The following ITGA6 variants were observed in gnomAD, a reference collection of about 807,000 sequenced individuals.
ITGA6 encodes the protein integrin subunit alpha 6.
In ITGA6, 63 loss-of-function variants were observed where a neutral mutation model predicts 133.6. The observed-to-expected ratio is 0.47, with a 90% CI of 0.38 to 0.58. The LOEUF (loss-of-function observed/expected upper bound fraction) is 0.58, where lower values mean the gene tolerates loss of function less well. ITGA6 is among the 20% of genes least tolerant of loss of function. ITGA6 has a pLI of 0.00. For missense variants in ITGA6, 1,068 were observed against 1,309.4 expected, an observed-to-expected ratio of 0.82 and a Z score of 2.85; for synonymous variants, 434 against 482.0, an observed-to-expected ratio of 0.90 and a Z score of 1.30.
chr2:172,468,701 C>G (rs1685788317), intron 3 of ITGA6, among the ~76,000 whole-genome samples: 1 of 152,152 alleles, frequency 6.6e-6, no homozygotes. Flanking sequence ...CCTATGAAAA[C>G]AGGTCCATGA....
chr2:172,446,097 C>G (rs1447989207), intron 1 of ITGA6, among the ~76,000 whole-genome samples: 1 of 152,200 alleles, frequency 6.6e-6, no homozygotes, highest in Non-Finnish European at 1.5e-5. Context: ...CACTCTCTGG[C>G]AGAGCTACTA....
chr2:172,465,717 T>C, intron 2 of ITGA6, 54 bp downstream of exon 2: 1 of 1,612,086 alleles, frequency 6.2e-7, no homozygotes, highest in Non-Finnish European at 8.5e-7. Flanking sequence ...CTGTACTGTT[T>C]CCATGAGGGA....
At chr2:172,474,029 G>A in intron 5 of ITGA6, 26 bp from the exon 6 acceptor site, 1 of 1,496,594 alleles carries the variant, frequency 6.7e-7, no homozygotes, top group Non-Finnish European at 9.3e-7. Flanking sequence ...TTGATGTGAG[G>A]GGCTCTATAT....
chr2:172,466,493 G>A (rs578130371), intron 2 of ITGA6, among the ~76,000 whole-genome samples: 161 of 152,180 alleles, frequency 1.1e-3, no homozygotes, highest in African/African-American at 3.8e-3. Flanking sequence ...GGTGGTGTAC[G>A]CCTGTAGTCC....
intron 1 of ITGA6, among the ~76,000 whole-genome samples, chr2:172,454,138 C>T (rs1330943864): frequency 6.7e-6 from 1 of 148,222 alleles, no homozygotes; most frequent in African/African-American, 2.5e-5. Context: ...GGCTGGAGTG[C>T]GGTGGTGCCA....
At chr2:172,443,986 G>A (rs1344051696) in intron 1 of ITGA6, among the ~76,000 whole-genome samples, 1 of 151,992 alleles carries the variant, frequency 6.6e-6, no homozygotes, top group African/African-American at 2.4e-5. Flanking sequence ...TGTTGTTCAG[G>A]CTGGTCTCAA....
intron 1 of ITGA6, among the ~76,000 whole-genome samples, chr2:172,433,941 G>A (rs909340680): frequency 6.6e-6 from 1 of 152,144 alleles, no homozygotes; most frequent in Non-Finnish European, 1.5e-5. Context: ...TGGAGGGTGG[G>A]TGGTGCAGTT....
chr2:172,455,727 G>C (rs769834098), intron 1 of ITGA6, among the ~76,000 whole-genome samples: 2 of 152,214 alleles, frequency 1.3e-5, no homozygotes. Context: ...ATTACTGCTG[G>C]ATAGAACCTG....
At position 172,489,598 on chromosome 2, in the gene ITGA6, C is replaced by T; in HGVS notation, c.2619C>T (p.Ser873=). 6.2e-7 allele frequency: 1 copy of T among 1,613,976 alleles called. No individual in the cohort carries two copies. Among genetic ancestry groups the T allele is most frequent in the Non-Finnish European group, 8.5e-7 (1 of 1,179,930 alleles). The part of the protein sequence containing the change: ...KWLLYLVKVE[S]KGLEKVTCEP... ...TGCTTTATTTGGTGAAAGTAGAATC[C>T]AAAGGATTGGAAAAGGTAACTTGTG... Residue 873 remains serine, a synonymous_variant, in exon 20 of 26, where the codon TCC becomes TCT. Coordinates refer to ENST00000684293, the MANE Select transcript of ITGA6 (RefSeq NM_000210.4).
At position 172,468,607 on chromosome 2, in the gene ITGA6, G is replaced by A. The variant is rs142034052; in HGVS notation, c.388-518G>A. Among the ~76,000 whole-genome samples the A allele has an allele frequency of 4.6e-5, 7 of 152,262 alleles. 1 individual carries two copies. In the East Asian group the frequency reaches 1.4e-3, roughly 29 times the overall value. On this transcript the variant is annotated intron_variant, in intron 3 of 25. Transcript: ENST00000684293. The stretch of plus-strand genomic sequence containing the variant: ...GCATATTTTGGGAAATAATCTCAGA[G>A]CTCAGGGTGTAAGTTAGGACTGATT...
intron 17 of ITGA6, 56 bp from the exon 18 acceptor site, chr2:172,487,905 G>A (rs1210027436): frequency 6.5e-7 from 1 of 1,535,868 alleles, no homozygotes; most frequent in East Asian, 2.2e-5. Flanking sequence ...AAGTCTAATT[G>A]TAGTGAGAAA....
chr2:172,445,825 G>A (rs1684746819), intron 1 of ITGA6, among the ~76,000 whole-genome samples: 1 of 152,146 alleles, frequency 6.6e-6, no homozygotes, highest in Admixed American at 6.5e-5. Flanking sequence ...AACTCAAGGT[G>A]GTGGCACCTA....
At chr2:172,487,219 AT>A in intron 14 of ITGA6, 44 bp from the exon 15 acceptor site, 1 of 1,560,572 alleles carries the variant, frequency 6.4e-7, no homozygotes, top group African/African-American at 1.4e-5. Flanking sequence ...CTGGAAACGT[AT>A]TGAGGACTTT....
chr2:172,449,037 T>A (rs1684878416), intron 1 of ITGA6, among the ~76,000 whole-genome samples: 1 of 152,102 alleles, frequency 6.6e-6, no homozygotes, highest in Non-Finnish European at 1.5e-5. Flanking sequence ...CAGGAAAATG[T>A]GAGCACAGGC....
At chr2:172,473,969 G>A (rs2149047362) in intron 5 of ITGA6, 86 bp from the exon 6 acceptor site, 1 of 874,188 alleles carries the variant, frequency 1.1e-6, no homozygotes, top group Non-Finnish European at 1.9e-6. Flanking sequence ...GGAAGCCAGA[G>A]GAAGAGGTAA....
At chr2:172,487,201 A>G in intron 14 of ITGA6, 63 bp downstream of exon 14, 2 of 1,543,312 alleles carry the variant, frequency 1.3e-6, no homozygotes, top group Non-Finnish European at 1.8e-6. Context: ...TTGTGTTAAG[A>G]AAGTTTACTG....
At chr2:172,471,221 C>A in intron 5 of ITGA6, 116 bp downstream of exon 5, 1 of 1,205,480 alleles carries the variant, frequency 8.3e-7, no homozygotes, top group South Asian at 1.3e-5. Context: ...CAGGTGGGGC[C>A]GGGCCACTTT....
At chr2:172,465,429 T>C (rs1459630662) in intron 1 of ITGA6, 110 bp from the exon 2 acceptor site, 5 of 1,300,428 alleles carry the variant, frequency 3.8e-6, no homozygotes, top group African/African-American at 2.9e-5. Flanking sequence ...GTTGAAGAAT[T>C]AGTGGACTCC....
intron 12 of ITGA6, 63 bp from the exon 13 acceptor site, chr2:172,485,058 G>A (rs1294145417): frequency 1.2e-6 from 2 of 1,600,328 alleles, no homozygotes; most frequent in Non-Finnish European, 1.7e-6. Context: ...CAAAATCATT[G>A]TTTTGGAATT....
Sources: gnomAD v4.1 joint callset for allele counts (sites outside exome capture counted in the v4.1 genomes callset) on GRCh38, gnomAD v4.1.1 for gene constraint, MANE v1.5 for transcripts, NCBI Gene and HGNC (gene_info 2026-07-23, HGNC 2026-07-21) for gene names.